Variants in TSEN54 observed in about 807,000 individuals in gnomAD.
TSEN54 encodes tRNA-splicing endonuclease subunit Sen54.
Under a neutral mutation model 61.9 loss-of-function variants are expected in TSEN54, and 55 were observed. The ratio of observed to expected loss-of-function variants is 0.89; its 90% confidence interval spans 0.72 to 1.11. The LOEUF is 1.11. TSEN54 is among the 50% of genes most tolerant of loss of function. TSEN54 has a pLI of 0.00. For synonymous variants in TSEN54, 304 were observed against 288.7 expected, an observed-to-expected ratio of 1.05 and a Z score of -0.54; for missense variants, 760 against 687.7, an observed-to-expected ratio of 1.11 and a Z score of -1.18.
In TSEN54 at chr17:75,522,112, G is replaced by T; in HGVS notation, c.1031G>T (p.Arg344Leu). The change falls in exon 8 of 11, where the codon CGC (arginine) becomes CTC (leucine). Residue 344 changes from arginine to leucine, a missense_variant. By Grantham distance (102) the Arg-to-Leu change is moderately radical (BLOSUM62 -2). This residue lies in a region of TSEN54 where 667 missense variants were observed against 577.8 expected (regional missense o/e 1.15). Transcript: ENST00000333213. ...AESWCQKLNQRKEKLSRRERE... is the reference protein window; with the variant it reads ...AESWCQKLNQLKEKLSRRERE... ...TCCTGGTGCCAGAAGCTGAACCAGC[G>T]CAAGGAGAAGCTCTCCAGGCGGGAA... The T allele has an allele frequency of 6.3e-7, 1 of 1,579,410 alleles. No homozygotes were observed. Among genetic ancestry groups the T allele is most frequent in the Non-Finnish European group, 8.6e-7 (1 of 1,162,574 alleles).
At chr17:75,523,453 A>T in intron 9 of TSEN54, 118 bp downstream of exon 9, 10 of 1,604,096 alleles carry the variant, frequency 6.2e-6, no homozygotes, top group Non-Finnish European at 8.5e-6. Context: ...TCCTACCCCT[A>T]CGCCTAGCTC....
At chr17:75,521,240 C>T in intron 6 of TSEN54, 169 bp from the exon 7 acceptor site, 2 of 652,786 alleles carry the variant, frequency 3.1e-6, no homozygotes, top group South Asian at 3.3e-5. Flanking sequence ...GCTGGGCCCC[C>T]TGGCTGGGCC....
At chr17:75,522,595 T>G in intron 8 of TSEN54, 1 of 1,353,066 alleles carries the variant, frequency 7.4e-7, no homozygotes, top group Non-Finnish European at 9.7e-7. Context: ...TGCATGTGGA[T>G]GGCTTTGCCA....
intron 8 of TSEN54, 124 bp from the exon 9 acceptor site, chr17:75,523,151 C>T (rs932648512): frequency 3.1e-6 from 4 of 1,279,080 alleles, no homozygotes; most frequent in Non-Finnish European, 4.5e-6. Flanking sequence ...TATACTCCAG[C>T]CTGGGTGACA....
At chr17:75,519,133 C>A in intron 6 of TSEN54, 86 bp downstream of exon 6, 1 of 1,485,140 alleles carries the variant, frequency 6.7e-7, no homozygotes, top group Non-Finnish European at 9.4e-7. Context: ...CCTCTCCTTA[C>A]CTGGAACCCT....
intron 8 of TSEN54, 88 bp from the exon 9 acceptor site, chr17:75,523,187 A>AG: frequency 1.3e-6 from 2 of 1,579,838 alleles, no homozygotes; most frequent in East Asian, 4.5e-5. Flanking sequence ...TAAAAAAAAA[A>AG]GTTGCTAAAT....
At chr17:75,517,439 A>G in intron 4 of TSEN54, 118 bp from the exon 5 acceptor site, 2 of 1,204,718 alleles carry the variant, frequency 1.7e-6, no homozygotes, top group Non-Finnish European at 2.5e-6. Flanking sequence ...CTGGTTGGCC[A>G]CATTCTTGAT....
chr17:75,523,583 T>G (rs2053455852), intron 9 of TSEN54, 80 bp from the exon 10 acceptor site: 4 of 1,613,500 alleles, frequency 2.5e-6, no homozygotes, highest in Admixed American at 3.3e-5. Flanking sequence ...TTCCTGGAAC[T>G]GGTGGAGGGA....
At position 75,516,631 on chromosome 17, in the gene TSEN54, G is replaced by C; in HGVS notation, c.56+15G>C. The C allele has an allele frequency of 8.3e-7, 1 of 1,206,004 alleles. No individual in the cohort carries two copies. The highest frequency in any genetic ancestry group is 1.0e-6 in the Non-Finnish European group (1 of 972,640). The allele number at this position is 1,206,004 out of a possible 1,614,324, so 74.7% of individuals were successfully genotyped here. A position where few individuals can be genotyped will look rare whatever the true frequency, so the allele number is the denominator to read the frequency against. ...CGCGTGCTCAGGTGCGGCGCGGCCC[G>C]GCCGGAGTGGGTGTCGGGGGCGCGG... On this transcript the variant is annotated intron_variant, in intron 1 of 10. Coordinates refer to ENST00000333213, the MANE Select transcript of TSEN54 (RefSeq NM_207346.3).
rs535828324 is a variant in TSEN54 at position 75,518,304 on chromosome 17, G to T, written c.468+649G>T. 2.0e-5 allele frequency among the ~76,000 whole-genome samples: 3 copies of T among 152,190 alleles called. No individual in the cohort carries two copies. The East Asian group carries it at 5.8e-4, about 29-fold the overall frequency. ...CACATGGATGGTATTTAAACTACTG[G>T]GCTGTATGGGAGTGCCATCAGAGTA... On this transcript the variant is annotated intron_variant, in intron 5 of 10. Transcript: ENST00000333213.
In TSEN54 at chr17:75,522,553, CTA is replaced by C. The variant is rs1305392810; in HGVS notation, c.1252+222_1252+223del. ...CAGGAGAGGTAAGGAGGGGTGGAAACTATGACCATATCCTTAAAAAGATAAAC... is the reference window on the plus strand; with the variant it reads ...CAGGAGAGGTAAGGAGGGGTGGAAACTGACCATATCCTTAAAAAGATAAAC... On this transcript the variant is annotated intron_variant, in intron 8 of 10. Coordinates refer to ENST00000333213, the MANE Select transcript of TSEN54 (RefSeq NM_207346.3). The C allele has an allele frequency of 3.5e-6, 5 of 1,431,106 alleles. No homozygotes were observed. In the East Asian group the frequency reaches 1.0e-4, roughly 29 times the overall value. 88.7% of individuals were successfully genotyped at this position (1,431,106 alleles called of 1,614,324 possible). A position where few individuals can be genotyped will look rare whatever the true frequency, so the allele number is the denominator to read the frequency against.
chr17:75,517,376 A>G, intron 4 of TSEN54, 132 bp downstream of exon 4: 3 of 1,240,994 alleles, frequency 2.4e-6, no homozygotes, highest in Non-Finnish European at 3.5e-6. Context: ...AGGAGGTGGT[A>G]CGTTGCAGGG....
At chr17:75,523,158 GAC>G in intron 8 of TSEN54, 115 bp from the exon 9 acceptor site, 1 of 1,340,356 alleles carries the variant, frequency 7.5e-7, no homozygotes, top group Non-Finnish European at 1.1e-6. Context: ...CAGCCTGGGT[GAC>G]AGAGTGAGAC....
chr17:75,522,339 C>T lies in TSEN54; in HGVS notation c.1252+6C>T, dbSNP rs977124000. ...TGGCCAGGCCAGCTCCCCAGGTACCCCCTCAGCCTGCCACATCTTCGAGGG... is the reference window on the plus strand; with the variant it reads ...TGGCCAGGCCAGCTCCCCAGGTACCTCCTCAGCCTGCCACATCTTCGAGGG... On this transcript the variant is annotated splice_donor_region_variant and intron_variant, in intron 8 of 10. Coordinates refer to ENST00000333213, the MANE Select transcript of TSEN54 (RefSeq NM_207346.3). The T allele has an allele frequency of 1.2e-5, 19 of 1,544,480 alleles. No homozygotes were observed. The African/African-American group carries it at 2.3e-4, about 19-fold the overall frequency.
Position 75,524,735 on chromosome 17 carries a change from C to A in TSEN54, c.*323C>A. ...AAGCCATTAAAAATAGATTTCTTTT[C>A]TGCTGTTTCTGTATGTACTGGGTAA... is the stretch of plus-strand genomic sequence containing the variant. On this transcript the variant is annotated 3_prime_UTR_variant, in exon 11 of 11. Coordinates refer to ENST00000333213, the MANE Select transcript of TSEN54 (RefSeq NM_207346.3). The A allele has an allele frequency of 2.4e-6, 1 of 415,604 alleles. No individual in the cohort carries two copies. Among genetic ancestry groups the A allele is most frequent in the Non-Finnish European group, 4.5e-6 (1 of 219,854 alleles). The allele number at this position is 415,604 out of a possible 1,614,324, so 25.7% of individuals were successfully genotyped here. A position where few individuals can be genotyped will look rare whatever the true frequency, so the allele number is the denominator to read the frequency against.
intron 5 of TSEN54, chr17:75,518,477 T>A (rs2053396191): frequency 1.0e-6 from 1 of 973,222 alleles, no homozygotes; most frequent in African/African-American, 1.8e-5. Context: ...GAGGAAGTGG[T>A]TAGCTGTGCT....
rs1474018293 is a variant in TSEN54 at position 75,516,926 on chromosome 17, C to T, written c.221+16C>T. On this transcript the variant is annotated intron_variant, in intron 2 of 10. Coordinates refer to ENST00000333213, the MANE Select transcript of TSEN54 (RefSeq NM_207346.3). ...TGGAGCGCCTGTGAGAGGGGCGGGC[C>T]CAGGGGTAAGGGAAGCGGGGGCGAG... 2 of 1,544,254 alleles carry T rather than the reference C, an allele frequency of 1.3e-6. No individual in the cohort carries two copies. The highest frequency in any genetic ancestry group is 1.7e-6 in the Non-Finnish European group (2 of 1,146,012).
At chr17:75,517,094 C>T (rs376011204) in intron 3 of TSEN54, 22 bp downstream of exon 3, 3 of 1,579,040 alleles carry the variant, frequency 1.9e-6, no homozygotes, top group Non-Finnish European at 2.6e-6. Context: ...GCTCGGGGAC[C>T]GGGGACCGCC....
At chr17:75,521,224 C>T in intron 6 of TSEN54, 185 bp from the exon 7 acceptor site, 1 of 632,268 alleles carries the variant, frequency 1.6e-6, no homozygotes, top group Non-Finnish European at 2.9e-6. Flanking sequence ...TAGGCAGAGG[C>T]ACATGGCTGG....
Sources: allele counts gnomAD v4.1 joint callset (sites outside exome capture counted in the v4.1 genomes callset), GRCh38; gene constraint gnomAD v4.1.1; regional missense constraint gnomAD v4.1.1; transcripts MANE v1.5; gene names NCBI Gene and HGNC (gene_info 2026-07-23, HGNC 2026-07-21).